Variants in HABP4 observed in about 807,000 individuals in gnomAD.
The protein encoded by HABP4 is intracellular hyaluronan-binding protein 4.
Under a neutral mutation model 44.1 loss-of-function variants are expected in HABP4, and 32 were observed. That is an observed-to-expected ratio of 0.73 (90% CI 0.55 to 0.97). The LOEUF (loss-of-function observed/expected upper bound fraction) is 0.97. HABP4 is among the 50% of genes least tolerant of loss of function. The pLI, the probability that HABP4 is intolerant of heterozygous loss-of-function variation, is 0.00. For synonymous variants in HABP4, 216 were observed against 218.0 expected (o/e 0.99, Z 0.08); for missense variants, 503 against 561.9 (o/e 0.90, Z 1.06).
intron 4 of HABP4, among the ~76,000 whole-genome samples, chr9:96,466,922 C>CT (rs200696039): frequency 0.028 from 3,741 of 134,882 alleles, 189 homozygotes; most frequent in African/African-American, 0.087. Flanking sequence ...AGAATATAAG[C>CT]TTTTTTTTTT....
chr9:96,455,946 T>G (rs1488823698), intron 1 of HABP4, among the ~76,000 whole-genome samples: 2 of 151,978 alleles, frequency 1.3e-5, no homozygotes, highest in Non-Finnish European at 2.9e-5. Context: ...TCCCAGCTAC[T>G]TGGAAGGCCG....
At chr9:96,476,118 T>G (rs888978616) in intron 5 of HABP4, among the ~76,000 whole-genome samples, 8 of 152,214 alleles carry the variant, frequency 5.3e-5, no homozygotes, top group Admixed American at 1.3e-4. Context: ...CCTTATTCCC[T>G]GAATCTCAGT....
chr9:96,469,554 GAC>G lies in HABP4; in HGVS notation c.744-1455_744-1454del, dbSNP rs1832659407. 2.6e-5 allele frequency among the ~76,000 whole-genome samples: 4 copies of G among 151,494 alleles called. No homozygotes were observed. In the South Asian group the frequency reaches 8.3e-4, roughly 31 times the overall value. On this transcript the variant is annotated intron_variant, in intron 4 of 7. Coordinates refer to ENST00000375249, the MANE Select transcript of HABP4 (RefSeq NM_014282.4). ...TTTACCTTTTTTTCTTTTTTTTTGA[GAC>G]AGAGTCTCCAGGCTGGAGTGCAGTG... is the stretch of plus-strand genomic sequence containing the variant.
At chr9:96,458,344 T>C (rs774626583) in intron 1 of HABP4, 35 bp from the exon 2 acceptor site, 2 of 1,598,036 alleles carry the variant, frequency 1.3e-6, no homozygotes, top group East Asian at 2.2e-5. Flanking sequence ...GCAGATGTTG[T>C]GTTCCAGCTC....
chr9:96,484,535 G>A lies in HABP4; in HGVS notation c.901G>A (p.Glu301Lys), dbSNP rs774527614. 1 of 1,588,012 alleles carries A rather than the reference G, an allele frequency of 6.3e-7. No individual in the cohort carries two copies. Among genetic ancestry groups the A allele is most frequent in the East Asian group, 2.2e-5 (1 of 44,756 alleles). Residue 301 changes from glutamate to lysine, a missense_variant, in exon 6 of 8, where the codon GAA becomes AAA. Around this residue, in one of 3 missense-constraint regions of HABP4, gnomAD observed 131 missense variants for 189.8 expected, o/e 0.69. Transcript: ENST00000375249. The stretch of plus-strand genomic sequence containing the variant: ...TTTAGATGAGTGGAAAAATCTTCAA[G>A]AACAGACCAGACCAAAGCCTGAGTT... ...MTLDEWKNLQ[E>K]QTRPKPEFNI...
intron 5 of HABP4, among the ~76,000 whole-genome samples, chr9:96,479,680 T>C (rs1832844374): frequency 6.6e-6 from 1 of 151,968 alleles, no homozygotes; most frequent in Non-Finnish European, 1.5e-5. Context: ...CCAGCTAATT[T>C]TTGTATTTTT....
chr9:96,486,053 C>T (rs988400809), intron 6 of HABP4, among the ~76,000 whole-genome samples: 5 of 151,976 alleles, frequency 3.3e-5, no homozygotes, highest in South Asian at 2.1e-4. Flanking sequence ...ACTAGCCGGG[C>T]GGTTGGCGGG....
Position 96,490,147 on chromosome 9 carries a change from C to G in HABP4, c.*109C>G. On this transcript the variant is annotated 3_prime_UTR_variant, in exon 8 of 8. Transcript: ENST00000375249. ...TAAGAACAATAGATGTTGCTTTTCC[C>G]GTGTCATGTAAATTTGTTGCACTTT... 1 of 736,678 alleles carries G rather than the reference C, an allele frequency of 1.4e-6. No homozygotes were observed. The highest frequency in any genetic ancestry group is 2.4e-6 in the Non-Finnish European group (1 of 410,130). 45.6% of individuals were successfully genotyped at this position (736,678 alleles called of 1,614,324 possible).
chr9:96,482,179 C>T (rs1255812857), intron 5 of HABP4, among the ~76,000 whole-genome samples: 1 of 152,140 alleles, frequency 6.6e-6, no homozygotes, highest in Non-Finnish European at 1.5e-5. Context: ...ACCTCATGAT[C>T]CGCCTGCCTC....
chr9:96,470,935 T>C (rs1587681327), intron 4 of HABP4, 76 bp from the exon 5 acceptor site: 2 of 895,594 alleles, frequency 2.2e-6, no homozygotes, highest in East Asian at 2.4e-5. Context: ...AAAACAATGT[T>C]TTCTCCTTCT....
chr9:96,470,282 C>T (rs1446034254), intron 4 of HABP4, among the ~76,000 whole-genome samples: 1 of 152,058 alleles, frequency 6.6e-6, no homozygotes, highest in Non-Finnish European at 1.5e-5. Context: ...GCACTCCAAC[C>T]ACCATGCCCA....
chr9:96,467,953 G>T (rs1234526684), intron 4 of HABP4, among the ~76,000 whole-genome samples: 1 of 152,212 alleles, frequency 6.6e-6, no homozygotes, highest in African/African-American at 2.4e-5. Context: ...GCCAGCCTTG[G>T]CCTTGTAATG....
intron 1 of HABP4, among the ~76,000 whole-genome samples, chr9:96,452,727 C>T (rs1445636312): frequency 6.6e-6 from 1 of 152,114 alleles, no homozygotes; most frequent in Non-Finnish European, 1.5e-5. Flanking sequence ...GAGCTATTCT[C>T]TCAAGGTTTT....
rs948531991 is a variant in HABP4, at chr9:96,490,792, G to A, written c.*754G>A. On this transcript the variant is annotated 3_prime_UTR_variant, in exon 8 of 8. Transcript: ENST00000375249. Reference sequence around the variant, plus strand: ...CAAATGGAAAGGGATCATGGCAAAAGCAAATACCGCATCCTTTTCTTCCGC... The same window carrying A: ...CAAATGGAAAGGGATCATGGCAAAAACAAATACCGCATCCTTTTCTTCCGC... The A allele has an allele frequency of 3.3e-5, 5 of 152,240 alleles. No homozygotes were observed. Among genetic ancestry groups the A allele is most frequent in the African/African-American group, 9.6e-5 (4 of 41,460 alleles). 9.4% of individuals were successfully genotyped at this position (152,240 alleles called of 1,614,324 possible).
At chr9:96,478,877 G>A (rs948141067) in intron 5 of HABP4, among the ~76,000 whole-genome samples, 5 of 151,902 alleles carry the variant, frequency 3.3e-5, no homozygotes, top group Admixed American at 2.0e-4. Flanking sequence ...GTGCTGCCTC[G>A]GCCTCCTGGA....
At chr9:96,465,190 G>A in intron 2 of HABP4, 147 bp from the exon 3 acceptor site, 2 of 649,364 alleles carry the variant, frequency 3.1e-6, no homozygotes, top group East Asian at 2.5e-5. Flanking sequence ...TCTATAGTAT[G>A]CGCTCACTAA....
At chr9:96,489,748 T>C (rs1349402650) in intron 7 of HABP4, among the ~76,000 whole-genome samples, 1 of 152,208 alleles carries the variant, frequency 6.6e-6, no homozygotes, top group African/African-American at 2.4e-5. Context: ...CAGTAAGAGC[T>C]TGCAGGACGT....
At chr9:96,473,276 C>T (rs904382260) in intron 5 of HABP4, among the ~76,000 whole-genome samples, 1 of 152,192 alleles carries the variant, frequency 6.6e-6, no homozygotes, top group Admixed American at 6.5e-5. Flanking sequence ...ACTGAGCTGA[C>T]TCCTCCCCAC....
At chr9:96,480,935 C>T (rs1379664884) in intron 5 of HABP4, among the ~76,000 whole-genome samples, 1 of 152,056 alleles carries the variant, frequency 6.6e-6, no homozygotes, top group Non-Finnish European at 1.5e-5. Flanking sequence ...GCAAATTTGT[C>T]TATTTTGGAT....
Sources: gnomAD v4.1 joint callset for allele counts (sites outside exome capture counted in the v4.1 genomes callset) on GRCh38, gnomAD v4.1.1 for gene constraint, gnomAD v4.1.1 regional missense constraint, MANE v1.5 for transcripts, NCBI Gene and HGNC (gene_info 2026-07-23, HGNC 2026-07-21) for gene names.